The following CYP27A1 variants were observed in gnomAD, a reference collection of about 807,000 sequenced individuals.
CYP27A1 encodes sterol 26-hydroxylase, mitochondrial.
In CYP27A1, 46 loss-of-function variants were observed where a neutral mutation model predicts 58.2. The ratio of observed to expected loss-of-function variants is 0.79; its 90% CI spans 0.62 to 1.01. The LOEUF (loss-of-function observed/expected upper bound fraction) is 1.01. Ranked by LOEUF, CYP27A1 falls within the 50% of genes least tolerant of loss-of-function variation. The pLI is 0.00. For synonymous variants in CYP27A1, 274 were observed against 285.1 expected, an observed-to-expected ratio of 0.96 and a Z score of 0.39; for missense variants, 704 against 687.0, an observed-to-expected ratio of 1.02 and a Z score of -0.28.
intron 1 of CYP27A1, among the ~76,000 whole-genome samples, chr2:218,806,673 CA>C (rs1306822116): frequency 3.3e-5 from 5 of 152,230 alleles, no homozygotes; most frequent in Non-Finnish European, 7.3e-5. Context: ...GCATGGCCTC[CA>C]GCCAGGTGTT....
intron 1 of CYP27A1, among the ~76,000 whole-genome samples, chr2:218,788,613 A>G (rs1367821418): frequency 6.6e-6 from 1 of 152,208 alleles, no homozygotes; most frequent in Non-Finnish European, 1.5e-5. Flanking sequence ...AAGGAGTAGA[A>G]TCGTATGGAA....
At position 218,812,561 on chromosome 2, in the gene CYP27A1, A is replaced by G. The variant is rs1321946805; in HGVS notation, c.656A>G (p.Tyr219Cys). The G allele has an allele frequency of 3.1e-6, 5 of 1,614,170 alleles. No individual in the cohort carries two copies. Among genetic ancestry groups the G allele is most frequent in the East Asian group, 2.2e-5 (1 of 44,890 alleles). The change falls in exon 4 of 9, where the codon TAC (tyrosine) becomes TGC (cysteine). Residue 219 changes from tyrosine (Y) to cysteine (C), a missense_variant. Tyr to Cys is a radical substitution (Grantham distance 194, BLOSUM62 -2). Transcript: ENST00000258415. ...TCTGTGCACTACTCAGCTATTTGCT[A>G]CATCCTGTTCGAGAAACGCATTGGC... ...FYYFALEAIC[Y>C]ILFEKRIGCL...
Position 218,809,595 on chromosome 2 carries a change from T to A in CYP27A1, c.274T>A (p.Tyr92Asn), listed in dbSNP as rs1943689605. 2 of 1,614,034 alleles carry A rather than the reference T, an allele frequency of 1.2e-6. No homozygotes were observed. Among genetic ancestry groups the A allele is most frequent in the South Asian group, 1.1e-5 (1 of 91,080 alleles). Reference protein sequence around the residue: ...HQLQVLYKAKYGPMWMSYLGP... With the variant: ...HQLQVLYKAKNGPMWMSYLGP... ...TCCACAGGTGCTTTACAAGGCCAAG[T>A]ACGGTCCAATGTGGATGTCCTACTT... The change falls in exon 2 of 9, where the codon TAC (tyrosine) becomes AAC (asparagine). Residue 92 changes from tyrosine to asparagine, a missense_variant. Physicochemically the swap from Tyr to Asn is moderately radical, Grantham distance 143. Transcript: ENST00000258415.
chr2:218,788,149 T>A (rs1290192458), intron 1 of CYP27A1, among the ~76,000 whole-genome samples: 3 of 152,240 alleles, frequency 2.0e-5, no homozygotes, highest in Non-Finnish European at 2.9e-5. Flanking sequence ...TTAGCTGCCA[T>A]GTCACATCTT....
At chr2:218,805,292 G>C (rs1233170711) in intron 1 of CYP27A1, among the ~76,000 whole-genome samples, 1 of 152,072 alleles carries the variant, frequency 6.6e-6, no homozygotes, top group Non-Finnish European at 1.5e-5. Flanking sequence ...GTCTGTCTCT[G>C]TCTCTCTCAT....
At position 218,815,133 on chromosome 2, in the gene CYP27A1, C is replaced by T. The variant is rs930729776; in HGVS notation, c.*103C>T. 23 of 1,440,512 alleles carry T rather than the reference C, an allele frequency of 1.6e-5. No individual in the cohort carries two copies. The African/African-American group carries it at 1.7e-4, about 11-fold the overall frequency. The allele number at this position is 1,440,512 out of a possible 1,614,324, so 89.2% of individuals were successfully genotyped here. A position where few individuals can be genotyped will look rare whatever the true frequency, so the allele number is the denominator to read the frequency against. On this transcript the variant is annotated 3_prime_UTR_variant, in exon 9 of 9. Coordinates refer to ENST00000258415, the MANE Select transcript of CYP27A1 (RefSeq NM_000784.4). ...CAGATGAGGAGGGAGAGAAGGAGGC[C>T]GCCAGACTCGAGAGGTGGGAGGAAC...
chr2:218,802,787 T>A (rs12990640), intron 1 of CYP27A1, among the ~76,000 whole-genome samples: 77,032 of 149,594 alleles, frequency 0.51, 20,776 homozygotes, highest in African/African-American at 0.61. Flanking sequence ...ATTTCCTTAA[T>A]GACAAATGAT....
intron 1 of CYP27A1, among the ~76,000 whole-genome samples, chr2:218,803,722 CTTTTTTTTTTTTTTTTTT>C (rs71040407): frequency 1.7e-5 from 1 of 57,750 alleles, no homozygotes; most frequent in African/African-American, 8.4e-5. Context: ...GTGCCCCCGT[CTTTTTTTTTTTTTTTTTT>C]TTTTTTTTTT....
intron 1 of CYP27A1, among the ~76,000 whole-genome samples, chr2:218,800,520 G>T (rs775242575): frequency 6.6e-6 from 1 of 152,022 alleles, no homozygotes; most frequent in Non-Finnish European, 1.5e-5. Flanking sequence ...ATAAATATGA[G>T]TTACGATTAC....
chr2:218,782,240 C>T lies in CYP27A1; in HGVS notation c.58C>T (p.Leu20Phe). The T allele has an allele frequency of 3.2e-6, 5 of 1,548,168 alleles. No homozygotes were observed. Among genetic ancestry groups the T allele is most frequent in the Non-Finnish European group, 4.4e-6 (5 of 1,148,308 alleles). ...RWALRGAGRG[L>F]CPHGARAKAA... ...GGCGCTGCGAGGGGCCGGCCGTGGC[C>T]TCTGCCCCCACGGGGCCAGAGCCAA... The change falls in exon 1 of 9, where the codon CTC (leucine) becomes TTC (phenylalanine). Residue 20 changes from leucine to phenylalanine, a missense_variant. Transcript: ENST00000258415. This position sits in a 1 kb window ranked among gnomAD's most constrained non-coding sequence, Gnocchi z 4.1.
intron 1 of CYP27A1, among the ~76,000 whole-genome samples, chr2:218,790,350 T>C (rs1043149996): frequency 6.6e-6 from 1 of 152,216 alleles, no homozygotes; most frequent in Non-Finnish European, 1.5e-5. Flanking sequence ...CGGAGACTAC[T>C]GTTATGACTA....
At chr2:218,798,263 C>T (rs1173539334) in intron 1 of CYP27A1, among the ~76,000 whole-genome samples, 1 of 152,162 alleles carries the variant, frequency 6.6e-6, no homozygotes, top group Non-Finnish European at 1.5e-5. Context: ...CCTTGGCCTC[C>T]CAAAGTTCTG....
intron 1 of CYP27A1, among the ~76,000 whole-genome samples, chr2:218,785,012 T>TATTTCTATTA (rs1176121474): frequency 6.6e-6 from 1 of 152,232 alleles, no homozygotes; most frequent in East Asian, 1.9e-4. Context: ...TTGTGTATTT[T>TATTTCTATTA]ATTTCTATTA....
chr2:218,789,806 T>G (rs1943474331), intron 1 of CYP27A1, among the ~76,000 whole-genome samples: 1 of 152,234 alleles, frequency 6.6e-6, no homozygotes, highest in African/African-American at 2.4e-5. Flanking sequence ...TATTTGGTCT[T>G]GGAACCCACT....
At chr2:218,783,566 A>G (rs748137350) in intron 1 of CYP27A1, among the ~76,000 whole-genome samples, 10 of 152,234 alleles carry the variant, frequency 6.6e-5, no homozygotes, top group Non-Finnish European at 1.5e-4. Flanking sequence ...ACTGGGATTC[A>G]GTGAGATGAG....
chr2:218,800,681 C>T (rs1943591749), intron 1 of CYP27A1, among the ~76,000 whole-genome samples: 1 of 152,114 alleles, frequency 6.6e-6, no homozygotes, highest in Non-Finnish European at 1.5e-5. Context: ...AATCCCAACA[C>T]CCATCACATA....
Position 218,782,382 on chromosome 2 carries a change from G to T in CYP27A1, c.200G>T (p.Arg67Leu). The change falls in exon 1 of 9, where the codon CGC becomes CTC. Residue 67 changes from arginine to leucine, a missense_variant. Coordinates refer to ENST00000258415, the MANE Select transcript of CYP27A1 (RefSeq NM_000784.4). The surrounding 1 kb of genome is among the most constrained non-coding windows in gnomAD (Gnocchi z 4.1). ...GAGATTCCACGTCTAGGACAGCTGCGCTTCTTCTTTCAGCTGTTCGTTCAA... is the reference window on the plus strand; with the variant it reads ...GAGATTCCACGTCTAGGACAGCTGCTCTTCTTCTTTCAGCTGTTCGTTCAA... ...LEEIPRLGQL[R>L]FFFQLFVQGY... 1 of 1,614,188 alleles carries T rather than the reference G, an allele frequency of 6.2e-7. No homozygotes were observed. The highest frequency in any genetic ancestry group is 1.1e-5 in the South Asian group (1 of 91,088).
intron 1 of CYP27A1, among the ~76,000 whole-genome samples, chr2:218,800,495 C>A (rs1020795095): frequency 6.6e-6 from 1 of 152,044 alleles, no homozygotes; most frequent in African/African-American, 2.4e-5. Flanking sequence ...TAAAAATTAC[C>A]TTTAAAAAAA....
At position 218,815,143 on chromosome 2, in the gene CYP27A1, G is replaced by T. The variant is rs886454812; in HGVS notation, c.*113G>T. On this transcript the variant is annotated 3_prime_UTR_variant, in exon 9 of 9. Transcript: ENST00000258415. ...GGGAGAGAAGGAGGCCGCCAGACTC[G>T]AGAGGTGGGAGGAACTCCTTGCACA... The T allele has an allele frequency of 6.0e-5, 78 of 1,307,828 alleles. No individual in the cohort carries two copies. The highest frequency in any genetic ancestry group is 1.1e-4 in the Admixed American group (6 of 53,484). 81.0% of individuals were successfully genotyped at this position (1,307,828 alleles called of 1,614,324 possible). A position where few individuals can be genotyped will look rare whatever the true frequency, so the allele number is the denominator to read the frequency against.
Sources: allele counts gnomAD v4.1 joint callset (sites outside exome capture counted in the v4.1 genomes callset), GRCh38; gene constraint gnomAD v4.1.1; non-coding constraint Gnocchi (gnomAD v3.1); transcripts MANE v1.5; gene names NCBI Gene and HGNC (gene_info 2026-07-23, HGNC 2026-07-21).